ASGR2: variants seen among roughly 807,000 people sequenced by gnomAD.
ASGR2 encodes the protein C-type lectin domain family 4 member H2.
A neutral mutation model predicts 32.3 loss-of-function variants in ASGR2; 34 were observed. The observed-to-expected ratio is 1.05, with a 90% CI of 0.80 to 1.40. The LOEUF (loss-of-function observed/expected upper bound fraction) is 1.40, where lower values mean the gene tolerates loss of function less well. Ranked by LOEUF, ASGR2 falls within the 40% of genes most tolerant of loss-of-function variation. The pLI, the probability that ASGR2 is intolerant of heterozygous loss-of-function variation, is 0.00. For missense variants in ASGR2, 385 were observed against 386.4 expected, an observed-to-expected ratio of 1.00 and a Z score of 0.03; for synonymous variants, 143 against 150.0, an observed-to-expected ratio of 0.95 and a Z score of 0.34.
At position 7,107,671 on chromosome 17, in the gene ASGR2, A is replaced by C. The variant is rs769231196; in HGVS notation, c.409+165T>G. 3 of 874,858 alleles carry C rather than the reference A, an allele frequency of 3.4e-6. No homozygotes were observed. The highest frequency in any genetic ancestry group is 5.4e-6 in the Non-Finnish European group (3 of 555,598). 54.2% of individuals were successfully genotyped at this position (874,858 alleles called of 1,614,324 possible). ...TACACACCACACACAGATCCATGAC[A>C]TATCACACCACACATACGGAGAGAG... On this transcript the variant is annotated intron_variant, in intron 5 of 8. Coordinates refer to ENST00000691900, the MANE Select transcript of ASGR2 (RefSeq NM_001201352.2). The surrounding 1 kb of genome is among the most constrained non-coding windows in gnomAD (Gnocchi z 5.0).
chr17:7,109,240 A>C (rs1914315497), intron 2 of ASGR2, among the ~76,000 whole-genome samples: 1 of 152,062 alleles, frequency 6.6e-6, no homozygotes, highest in Non-Finnish European at 1.5e-5. Flanking sequence ...GCCTAGGCAC[A>C]CATCCTGAGA....
intron 8 of ASGR2, 48 bp from the exon 9 acceptor site, chr17:7,101,788 C>T (rs776945528): frequency 1.3e-5 from 20 of 1,590,082 alleles, no homozygotes; most frequent in East Asian, 4.5e-5. Flanking sequence ...GGTGAGAAAG[C>T]GACTTACCCA....
At chr17:7,112,350 C>A (rs977294759) in intron 2 of ASGR2, among the ~76,000 whole-genome samples, 2 of 151,894 alleles carry the variant, frequency 1.3e-5, no homozygotes, top group African/African-American at 4.8e-5. Context: ...ACCACCCGGG[C>A]TGCTGGAGGG....
chr17:7,106,132 T>G (rs1270641251), intron 7 of ASGR2, among the ~76,000 whole-genome samples: 1 of 152,160 alleles, frequency 6.6e-6, no homozygotes, highest in Non-Finnish European at 1.5e-5. Context: ...GATATATTTT[T>G]TTTAACTCTT....
At chr17:7,106,569 G>A (rs1913711114) in intron 7 of ASGR2, among the ~76,000 whole-genome samples, 1 of 152,118 alleles carries the variant, frequency 6.6e-6, no homozygotes, top group African/African-American at 2.4e-5. Flanking sequence ...CATATATTCT[G>A]GCCCCTGTAT....
chr17:7,110,174 T>C (rs1914443909), intron 2 of ASGR2, among the ~76,000 whole-genome samples: 1 of 151,986 alleles, frequency 6.6e-6, no homozygotes, highest in Non-Finnish European at 1.5e-5. Flanking sequence ...TCTTCATCTT[T>C]TTCACACCAG....
upstream of ASGR2, chr17:7,114,845 G>A (rs1005699887): frequency 3.0e-6 from 3 of 985,662 alleles, no homozygotes; most frequent in African/African-American, 3.5e-5. This position sits in a 1 kb window ranked among gnomAD's most constrained non-coding sequence, Gnocchi z 4.5. Flanking sequence ...AAACAGAGCT[G>A]TAACTCATTT....
chr17:7,109,527 G>C (rs1043037303), intron 2 of ASGR2, among the ~76,000 whole-genome samples: 1 of 151,854 alleles, frequency 6.6e-6, no homozygotes. Flanking sequence ...ACCACGCAAG[G>C]CCTCCTCCCC....
chr17:7,108,915 G>T lies in ASGR2; in HGVS notation c.125-27C>A. On this transcript the variant is annotated intron_variant, in intron 2 of 8. Coordinates refer to ENST00000691900, the MANE Select transcript of ASGR2 (RefSeq NM_001201352.2). The surrounding 1 kb of genome is among the most constrained non-coding windows in gnomAD (Gnocchi z 4.9). Reference sequence around the variant, plus strand: ...TGTGGGAGAGGGGCATCAGGAGCCGGCAGCCTGGGTGTGGGGAGCCGGAGG... The same window carrying T: ...TGTGGGAGAGGGGCATCAGGAGCCGTCAGCCTGGGTGTGGGGAGCCGGAGG... 6.5e-7 allele frequency: 1 copy of T among 1,542,978 alleles called. No homozygotes were observed. Among genetic ancestry groups the T allele is most frequent in the South Asian group, 1.2e-5 (1 of 84,400 alleles).
At position 7,110,447 on chromosome 17, in the gene ASGR2, TC is replaced by T. The variant is rs1252271406; in HGVS notation, c.125-1560del. 2.6e-5 allele frequency among the ~76,000 whole-genome samples: 4 copies of T among 152,296 alleles called. No homozygotes were observed. In the East Asian group the frequency reaches 7.7e-4, roughly 29 times the overall value. ...TCCACTCAGAGGGTCCTGTCCTGCT[TC>T]CCAGTCCGACTTATCAACTCCCAAT... On this transcript the variant is annotated intron_variant, in intron 2 of 8. Transcript: ENST00000691900.
chr17:7,103,698 T>C (rs907089613), intron 7 of ASGR2, among the ~76,000 whole-genome samples: 5 of 152,090 alleles, frequency 3.3e-5, no homozygotes, highest in Non-Finnish European at 5.9e-5. Context: ...AAAAATGAAC[T>C]GTGATATCAA....
chr17:7,107,400 C>T lies in ASGR2; in HGVS notation c.410-83G>A. ...CAGCCTGTGGCTGGGGAAGCATATA[C>T]ACCCACAGACACGTACACCATGCAT... is the stretch of plus-strand genomic sequence containing the variant. On this transcript the variant is annotated intron_variant, in intron 5 of 8. Coordinates refer to ENST00000691900, the MANE Select transcript of ASGR2 (RefSeq NM_001201352.2). This position sits in a 1 kb window ranked among gnomAD's most constrained non-coding sequence, Gnocchi z 5.0. 1 of 1,387,308 alleles carries T rather than the reference C, an allele frequency of 7.2e-7. No individual in the cohort carries two copies. The highest frequency in any genetic ancestry group is 1.0e-6 in the Non-Finnish European group (1 of 1,002,374). The allele number at this position is 1,387,308 out of a possible 1,614,324, so 85.9% of individuals were successfully genotyped here. A position where few individuals can be genotyped will look rare whatever the true frequency, so the allele number is the denominator to read the frequency against.
chr17:7,113,710 TCACA>T lies in ASGR2; in HGVS notation c.124+403_124+406del, dbSNP rs1170584124. Among the ~76,000 whole-genome samples the T allele has an allele frequency of 4.1e-5, 5 of 120,960 alleles. No individual in the cohort carries two copies. Among genetic ancestry groups the T allele is most frequent in the Non-Finnish European group, 7.0e-5 (4 of 56,870 alleles). 79.4% of individuals were successfully genotyped at this position (120,960 alleles called of 152,430 possible). A position where few individuals can be genotyped will look rare whatever the true frequency, so the allele number is the denominator to read the frequency against. On this transcript the variant is annotated intron_variant, in intron 2 of 8. Transcript: ENST00000691900. The surrounding 1 kb of genome is among the most constrained non-coding windows in gnomAD (Gnocchi z 5.1). ...CACAACATACACACACAACACACTC[TCACA>T]CACAACATACCCTCTCACATACACG...
Position 7,108,782 on chromosome 17 carries a change from A to C in ASGR2, c.231T>G (p.Thr77=), listed in dbSNP as rs1914223563. The C allele has an allele frequency of 6.2e-7, 1 of 1,613,908 alleles. No individual in the cohort carries two copies. The highest frequency in any genetic ancestry group is 1.3e-5 in the African/African-American group (1 of 74,856). The change falls in exon 3 of 9, where the codon ACT becomes ACG. Residue 77 remains threonine (T), a synonymous_variant. Coordinates refer to ENST00000691900, the MANE Select transcript of ASGR2 (RefSeq NM_001201352.2). The surrounding 1 kb of genome is among the most constrained non-coding windows in gnomAD (Gnocchi z 4.9). ...NILLLVVICV[T]GSQSAQLQAE... is the part of the protein sequence containing the mutation. ...CCCCGTGACCCTCACTTTGGGACCCAGTCACACAGATGACCACCAGCAGCA... is the reference window on the plus strand; with the variant it reads ...CCCCGTGACCCTCACTTTGGGACCCCGTCACACAGATGACCACCAGCAGCA...
intron 2 of ASGR2, among the ~76,000 whole-genome samples, chr17:7,110,954 C>T (rs1457428166): frequency 1.3e-5 from 2 of 152,180 alleles, no homozygotes; most frequent in Admixed American, 1.3e-4. Context: ...AAGAGACTCC[C>T]CACGTTGAGG....
At chr17:7,103,148 C>T (rs1186060478) in intron 7 of ASGR2, among the ~76,000 whole-genome samples, 3 of 152,202 alleles carry the variant, frequency 2.0e-5, no homozygotes, top group Admixed American at 1.3e-4. Context: ...TTCCCTTTGA[C>T]AGCCTGGAAT....
chr17:7,102,253 A>G, intron 7 of ASGR2, 57 bp from the exon 8 acceptor site: 4 of 1,429,248 alleles, frequency 2.8e-6, no homozygotes, highest in Non-Finnish European at 3.9e-6. Context: ...TCCTCCCTCC[A>G]TGCAGGCATG....
intron 7 of ASGR2, among the ~76,000 whole-genome samples, chr17:7,105,791 A>AT (rs55800489): frequency 0.27 from 39,968 of 146,128 alleles, 6,043 homozygotes; most frequent in Admixed American, 0.41. Flanking sequence ...TTAAATTAGC[A>AT]TTTTTTTTTT....
At chr17:7,111,452 C>A (rs561274219) in intron 2 of ASGR2, among the ~76,000 whole-genome samples, 10 of 151,712 alleles carry the variant, frequency 6.6e-5, no homozygotes, top group Non-Finnish European at 1.3e-4. Flanking sequence ...GTCAGGAGAT[C>A]GACACCATCC....
Sources: allele counts gnomAD v4.1 joint callset (sites outside exome capture counted in the v4.1 genomes callset), GRCh38; gene constraint gnomAD v4.1.1; non-coding constraint Gnocchi (gnomAD v3.1); transcripts MANE v1.5; gene names NCBI Gene and HGNC (gene_info 2026-07-23, HGNC 2026-07-21).